DNAJC16: variants seen among roughly 807,000 people sequenced by gnomAD.
DNAJC16 encodes dnaJ homolog subfamily C member 16.
DNAJC16 carries 76 observed loss-of-function variants against 92.7 expected under a neutral mutation model. That is an observed-to-expected ratio of 0.82 (90% CI 0.68 to 0.99). DNAJC16 has a LOEUF of 0.99. DNAJC16 is among the 50% of genes least tolerant of loss of function. DNAJC16 has a pLI of 0.00. For synonymous variants in DNAJC16, 328 were observed against 358.7 expected (o/e 0.91, Z 0.97); for missense variants, 869 against 942.4 (o/e 0.92, Z 1.02).
Position 15,536,541 on chromosome 1 carries a change from T to C in DNAJC16, c.301T>C (p.Tyr101His), listed in dbSNP as rs1478395741. 3 of 1,614,084 alleles carry C rather than the reference T, an allele frequency of 1.9e-6. No homozygotes were observed. The Admixed American group carries it at 5.0e-5, about 27-fold the overall frequency. ...QYGDAGENQG[Y>H]QKQQQQREYR... ...TGGAGACGCTGGAGAGAACCAGGGC[T>C]ACCAGAAGCAGCAACAGCAGCGAGA... The change falls in exon 4 of 15, where the codon TAC becomes CAC. Residue 101 changes from tyrosine (Y) to histidine (H), a missense_variant. By Grantham distance (83) the Tyr-to-His change is moderately conservative. Coordinates refer to ENST00000375847, the MANE Select transcript of DNAJC16 (RefSeq NM_015291.4).
At chr1:15,545,882 A>G (rs1392874518) in intron 5 of DNAJC16, among the ~76,000 whole-genome samples, 1 of 152,238 alleles carries the variant, frequency 6.6e-6, no homozygotes, top group Admixed American at 6.5e-5. Flanking sequence ...TAATTTATTC[A>G]TGTTTTTAAT....
At chr1:15,559,230 G>A (rs923602957) in intron 7 of DNAJC16, among the ~76,000 whole-genome samples, 3 of 152,138 alleles carry the variant, frequency 2.0e-5, no homozygotes, top group Admixed American at 6.5e-5. Context: ...GAGCCACCAC[G>A]TCCGGCCATG....
chr1:15,549,702 T>C (rs1376008766), intron 7 of DNAJC16, among the ~76,000 whole-genome samples: 1 of 151,166 alleles, frequency 6.6e-6, no homozygotes, highest in Non-Finnish European at 1.5e-5. Flanking sequence ...TAGTCCCAGC[T>C]ACTCGGGAGG....
In DNAJC16 at chr1:15,562,136, G is replaced by T. The variant is rs768926003; in HGVS notation, c.1155-6G>T. 8.1e-6 allele frequency: 13 copies of T among 1,611,860 alleles called. No homozygotes were observed. The highest frequency in any genetic ancestry group is 1.6e-4 in the Middle Eastern group (1 of 6,066). ...GGTTATAAAGTTTTGTCTTTTTGTTGTGCAGGTACTGTGTGGTTTTATTGA... is the reference window on the plus strand; with the variant it reads ...GGTTATAAAGTTTTGTCTTTTTGTTTTGCAGGTACTGTGTGGTTTTATTGA... On this transcript the variant is annotated splice_polypyrimidine_tract_variant and splice_region_variant and intron_variant, in intron 8 of 14. Coordinates refer to ENST00000375847, the MANE Select transcript of DNAJC16 (RefSeq NM_015291.4).
intron 2 of DNAJC16, among the ~76,000 whole-genome samples, chr1:15,533,841 A>G (rs1195124700): frequency 1.3e-5 from 2 of 152,194 alleles, no homozygotes; most frequent in African/African-American, 2.4e-5. Flanking sequence ...TAGCATCCTG[A>G]TATCATTCTA....
At chr1:15,565,897 T>C (rs758083510) in intron 11 of DNAJC16, 22 bp from the exon 12 acceptor site, 7 of 1,605,956 alleles carry the variant, frequency 4.4e-6, no homozygotes, top group Non-Finnish European at 6.0e-6. Flanking sequence ...CTTGAGCTAA[T>C]AGTTTGTTAA....
chr1:15,566,974 C>T (rs1429280441), intron 13 of DNAJC16, 125 bp from the exon 14 acceptor site: 3 of 884,664 alleles, frequency 3.4e-6, no homozygotes, highest in East Asian at 5.3e-5. Flanking sequence ...GTGTTAGACT[C>T]AAGAATAGTG....
rs1221278434 is a variant in DNAJC16, at chr1:15,570,164, A to G, written c.*1987A>G. On this transcript the variant is annotated 3_prime_UTR_variant, in exon 15 of 15. Transcript: ENST00000375847. The stretch of plus-strand genomic sequence containing the variant: ...AATGGACACTTCCTCTGAATGCTGT[A>G]TCTCATGGCACCTGGTCCAACTAGA... 6.6e-6 allele frequency: 1 copy of G among 152,472 alleles called. No individual in the cohort carries two copies. Among genetic ancestry groups the G allele is most frequent in the African/African-American group, 2.4e-5 (1 of 41,456 alleles). The allele number at this position is 152,472 out of a possible 1,614,324, so 9.4% of individuals were successfully genotyped here.
rs550143422 is a variant in DNAJC16 at position 15,530,927 on chromosome 1, A to G, written c.167+1655A>G. On this transcript the variant is annotated intron_variant, in intron 2 of 14. Coordinates refer to ENST00000375847, the MANE Select transcript of DNAJC16 (RefSeq NM_015291.4). ...GGTCTCAGACTCCTGACCTCAAGTG[A>G]TCCGTCCACCTCGGCCTCCCAAAGT... Among the ~76,000 whole-genome samples the G allele has an allele frequency of 2.4e-4, 37 of 152,250 alleles. 1 individual carries two copies. In the South Asian group the frequency reaches 7.7e-3, roughly 32 times the overall value.
rs1445026879 is a variant in DNAJC16 at position 15,548,285 on chromosome 1, T to G, written c.880T>G (p.Tyr294Asp). 2 of 1,613,988 alleles carry G rather than the reference T, an allele frequency of 1.2e-6. No homozygotes were observed. Among genetic ancestry groups the G allele is most frequent in the South Asian group, 2.2e-5 (2 of 91,012 alleles). The change falls in exon 7 of 15, where the codon TAC (tyrosine) becomes GAC (aspartate). Residue 294 changes from tyrosine (Y) to aspartate (D), a missense_variant. Transcript: ENST00000375847. ...PLLYKLTAFA[Y>D]KDYLSFGYVY... ...GCCCTAACAGTTGACTGCCTTTGCA[T>G]ACAAAGATTATTTATCATTTGGATA...
intron 2 of DNAJC16, 73 bp from the exon 3 acceptor site, chr1:15,534,164 G>A (rs1390402639): frequency 1.3e-6 from 2 of 1,526,964 alleles, no homozygotes; most frequent in Admixed American, 3.5e-5. Flanking sequence ...AGTGAACTCT[G>A]TGGACAAGGA....
At position 15,552,891 on chromosome 1, in the gene DNAJC16, C is replaced by T. The variant is rs910033147; in HGVS notation, c.1023+4463C>T. Among the ~76,000 whole-genome samples, 6 of 151,164 alleles carry T rather than the reference C, an allele frequency of 4.0e-5. No individual in the cohort carries two copies. The South Asian group carries it at 6.3e-4, about 16-fold the overall frequency. The stretch of plus-strand genomic sequence containing the variant: ...CAAGTGATTCTTGTGCCTCAGCCTT[C>T]GGAGTAGCTGGGACTACAGGCACAA... On this transcript the variant is annotated intron_variant, in intron 7 of 14. Coordinates refer to ENST00000375847, the MANE Select transcript of DNAJC16 (RefSeq NM_015291.4).
At position 15,564,096 on chromosome 1, in the gene DNAJC16, C is replaced by T. The variant is rs767439359; in HGVS notation, c.1506C>T (p.Thr502=). Residue 502 remains threonine, a synonymous_variant, in exon 10 of 15, where the codon ACC becomes ACT. Transcript: ENST00000375847. The part of the protein sequence containing the change: ...LSSEAVLPDL[T]DELAPVFLLR... ...CTGAAGCAGTGCTTCCTGACCTGACCGATGAACTTGCCCCTGTGAGCATCG... is the reference window on the plus strand; with the variant it reads ...CTGAAGCAGTGCTTCCTGACCTGACTGATGAACTTGCCCCTGTGAGCATCG... 4.3e-6 allele frequency: 7 copies of T among 1,614,094 alleles called. No homozygotes were observed. The highest frequency in any genetic ancestry group is 3.3e-5 in the South Asian group (3 of 91,074).
At chr1:15,528,614 T>C (rs1278852590) in intron 1 of DNAJC16, among the ~76,000 whole-genome samples, 1 of 152,226 alleles carries the variant, frequency 6.6e-6, no homozygotes, top group Non-Finnish European at 1.5e-5. Context: ...ATGCCACAAC[T>C]ATCTCATTTT....
chr1:15,544,874 AT>A (rs1383847806), intron 5 of DNAJC16, among the ~76,000 whole-genome samples: 2 of 150,198 alleles, frequency 1.3e-5, no homozygotes, highest in East Asian at 3.8e-4. Flanking sequence ...GACAGTGCCT[AT>A]TTTCTAAACA....
rs1638648011 is a variant in DNAJC16, at chr1:15,559,626, G to C, written c.1124G>C (p.Cys375Ser). ...LTSQKLFHEL[C>S]PVKRSHRQRK... ...AGCCAGAAGTTGTTCCATGAACTCT[G>C]CCCTGTGAAACGGTCGCATCGACAG... Residue 375 changes from cysteine to serine, a missense_variant, in exon 8 of 15, where the codon TGC becomes TCC. Physicochemically the swap from Cys to Ser is moderately radical, Grantham distance 112. Coordinates refer to ENST00000375847, the MANE Select transcript of DNAJC16 (RefSeq NM_015291.4). The C allele has an allele frequency of 1.2e-6, 2 of 1,614,024 alleles. No individual in the cohort carries two copies. Among genetic ancestry groups the C allele is most frequent in the Non-Finnish European group, 1.7e-6 (2 of 1,180,030 alleles).
intron 7 of DNAJC16, among the ~76,000 whole-genome samples, chr1:15,550,031 G>C (rs1487276493): frequency 6.6e-6 from 1 of 152,124 alleles, no homozygotes; most frequent in African/African-American, 2.4e-5. Flanking sequence ...ACCTACTGGG[G>C]GTCTTGGAAC....
intron 2 of DNAJC16, among the ~76,000 whole-genome samples, chr1:15,531,185 T>C (rs1206538472): frequency 6.6e-6 from 1 of 152,198 alleles, no homozygotes; most frequent in Non-Finnish European, 1.5e-5. Context: ...TAGGAAGTTA[T>C]CCAGAAGCAA....
At chr1:15,534,468 A>T (rs1235262635) in intron 3 of DNAJC16, among the ~76,000 whole-genome samples, 165 bp downstream of exon 3, 1 of 152,220 alleles carries the variant, frequency 6.6e-6, no homozygotes, top group African/African-American at 2.4e-5. Flanking sequence ...TCATGCCTGT[A>T]ATCCCAGCAC....
Sources: gnomAD v4.1 joint callset for allele counts (sites outside exome capture counted in the v4.1 genomes callset) on GRCh38, gnomAD v4.1.1 for gene constraint, MANE v1.5 for transcripts, NCBI Gene and HGNC (gene_info 2026-07-23, HGNC 2026-07-21) for gene names.